Variants in RNF152 observed in about 807,000 individuals in gnomAD.
The protein encoded by RNF152 is E3 ubiquitin-protein ligase RNF152.
Under a neutral mutation model 12.7 loss-of-function variants are expected in RNF152, and 11 were observed. The ratio of observed to expected loss-of-function variants is 0.86; its 90% CI spans 0.54 to 1.43. The LOEUF (loss-of-function observed/expected upper bound fraction) is 1.43. Among genes scored for constraint, RNF152 ranks in the 40% most tolerant of loss-of-function variants. The pLI is 0.00. For synonymous variants in RNF152, 113 were observed against 120.3 expected, an observed-to-expected ratio of 0.94 and a Z score of 0.40; for missense variants, 255 against 274.8, an observed-to-expected ratio of 0.93 and a Z score of 0.51.
intron 1 of RNF152, among the ~76,000 whole-genome samples, chr18:61,835,621 TAAAC>T (rs2144658797): frequency 6.6e-6 from 1 of 152,278 alleles, no homozygotes; most frequent in East Asian, 1.9e-4. Flanking sequence ...TTAAAAAGGA[TAAAC>T]AAAATCAAAC....
chr18:61,844,067 CAGAA>C (rs1420745552), intron 1 of RNF152, among the ~76,000 whole-genome samples: 4 of 45,264 alleles, frequency 8.8e-5, no homozygotes, highest in Non-Finnish European at 1.7e-4. Context: ...GAGAGAAAGA[CAGAA>C]AGAAAGGAAA....
At chr18:61,837,926 C>A (rs1242100394) in intron 1 of RNF152, among the ~76,000 whole-genome samples, 1 of 152,170 alleles carries the variant, frequency 6.6e-6, no homozygotes, top group Non-Finnish European at 1.5e-5. Flanking sequence ...CCAACAAAAT[C>A]CAGGCCTCAT....
At chr18:61,878,443 T>C (rs755205854) in intron 1 of RNF152, among the ~76,000 whole-genome samples, 2 of 152,192 alleles carry the variant, frequency 1.3e-5, no homozygotes, top group African/African-American at 2.4e-5. Context: ...TCCACTAACA[T>C]ATACCCTAAG....
intron 1 of RNF152, among the ~76,000 whole-genome samples, chr18:61,880,716 TTAA>T (rs1182448676): frequency 1.3e-5 from 2 of 152,196 alleles, no homozygotes; most frequent in African/African-American, 2.4e-5. Flanking sequence ...TAAAACATTA[TTAA>T]TAATAACTTC....
chr18:61,866,020 G>A (rs571227744), intron 1 of RNF152, among the ~76,000 whole-genome samples: 1 of 152,156 alleles, frequency 6.6e-6, no homozygotes, highest in South Asian at 2.1e-4. Context: ...TTTCTCTCAG[G>A]TCTATTCCTC....
At chr18:61,836,258 GC>G (rs1380079492) in intron 1 of RNF152, among the ~76,000 whole-genome samples, 1 of 152,052 alleles carries the variant, frequency 6.6e-6, no homozygotes, top group African/African-American at 2.4e-5. Context: ...ATGTCAAAAG[GC>G]CCCAGGAGCC....
At chr18:61,873,801 C>T (rs1912100442) in intron 1 of RNF152, among the ~76,000 whole-genome samples, 1 of 152,224 alleles carries the variant, frequency 6.6e-6, no homozygotes. Context: ...CTTCTTTCCC[C>T]ACAACCCAAG....
chr18:61,869,007 A>G (rs1911863700), intron 1 of RNF152, among the ~76,000 whole-genome samples: 1 of 152,218 alleles, frequency 6.6e-6, no homozygotes, highest in Non-Finnish European at 1.5e-5. Flanking sequence ...AGCATTCACC[A>G]TTTGTAAGAA....
intron 1 of RNF152, among the ~76,000 whole-genome samples, chr18:61,841,171 A>G (rs1910439807): frequency 1.3e-5 from 2 of 152,240 alleles, no homozygotes; most frequent in African/African-American, 4.8e-5. Context: ...CATACATGAT[A>G]GAAGTTTAAT....
At chr18:61,819,694 A>G (rs1909285157) in intron 1 of RNF152, among the ~76,000 whole-genome samples, 2 of 152,254 alleles carry the variant, frequency 1.3e-5, no homozygotes, top group African/African-American at 4.8e-5. Context: ...GGTGCTGGGG[A>G]AGGTATTTAA....
At chr18:61,892,344 G>T (rs1053000170) in intron 1 of RNF152, among the ~76,000 whole-genome samples, 3 of 152,120 alleles carry the variant, frequency 2.0e-5, no homozygotes, top group African/African-American at 7.2e-5. Flanking sequence ...TATTTCATAC[G>T]AAGGTCACTG....
rs1391995288 is a variant in RNF152, at chr18:61,811,708, A to G, written c.*4144T>C. On this transcript the variant is annotated 3_prime_UTR_variant, in exon 2 of 2. Transcript: ENST00000312828. ...AATACAGCAATGAAGTTTGGATAGGATACTGGAAGTGAACAGGGATTTCAT... is the reference window on the plus strand; with the variant it reads ...AATACAGCAATGAAGTTTGGATAGGGTACTGGAAGTGAACAGGGATTTCAT... The G allele has an allele frequency of 1.3e-5, 2 of 152,228 alleles. No individual in the cohort carries two copies. The highest frequency in any genetic ancestry group is 4.8e-5 in the African/African-American group (2 of 41,448). 9.4% of individuals were successfully genotyped at this position (152,228 alleles called of 1,614,324 possible). A position where few individuals can be genotyped will look rare whatever the true frequency, so the allele number is the denominator to read the frequency against.
intron 1 of RNF152, among the ~76,000 whole-genome samples, chr18:61,883,823 C>T (rs1380803420): frequency 1.3e-5 from 2 of 152,194 alleles, no homozygotes; most frequent in Non-Finnish European, 2.9e-5. Context: ...TTCTCAGACT[C>T]CTCTCCTCCA....
In RNF152 at chr18:61,820,020, CAAAA is replaced by C. The variant is rs1165545204; in HGVS notation, c.-135-3426_-135-3423del. On this transcript the variant is annotated intron_variant, in intron 1 of 1. Coordinates refer to ENST00000312828, the MANE Select transcript of RNF152 (RefSeq NM_173557.3). ...TGAATGACAGAGTGGGACACTATCT[CAAAA>C]AAAAAAAAAAAAAAAAAGAATCCGG... 8.4e-4 allele frequency among the ~76,000 whole-genome samples: 54 copies of C among 64,358 alleles called. 1 individual carries two copies. Among genetic ancestry groups the C allele is most frequent in the African/African-American group, 3.3e-3 (51 of 15,614 alleles). 42.2% of individuals were successfully genotyped at this position (64,358 alleles called of 152,430 possible). A position where few individuals can be genotyped will look rare whatever the true frequency, so the allele number is the denominator to read the frequency against.
chr18:61,848,539 T>C (rs1305235689), intron 1 of RNF152, among the ~76,000 whole-genome samples: 3 of 152,206 alleles, frequency 2.0e-5, no homozygotes, highest in Non-Finnish European at 4.4e-5. Flanking sequence ...AGGCTGTACG[T>C]GGCCTCAGCC....
rs369082532 is a variant in RNF152, at chr18:61,822,084, T to C, written c.-135-5486A>G. On this transcript the variant is annotated intron_variant, in intron 1 of 1. Transcript: ENST00000312828. Reference sequence around the variant, plus strand: ...AAAGGGAAAGAGTACTTCAGTAGAATGCATAAGAACAAGTATATAAGAAAA... The same window carrying C: ...AAAGGGAAAGAGTACTTCAGTAGAACGCATAAGAACAAGTATATAAGAAAA... Among the ~76,000 whole-genome samples, 35 of 152,206 alleles carry C rather than the reference T, an allele frequency of 2.3e-4. 1 individual carries two copies. In the East Asian group the frequency reaches 3.3e-3, roughly 14 times the overall value.
chr18:61,869,644 A>G (rs1911894113), intron 1 of RNF152, among the ~76,000 whole-genome samples: 1 of 152,226 alleles, frequency 6.6e-6, no homozygotes, highest in African/African-American at 2.4e-5. Flanking sequence ...CCAGGAAGAC[A>G]CCACAGATCA....
At chr18:61,892,026 C>T (rs1050137099) in intron 1 of RNF152, among the ~76,000 whole-genome samples, 5 of 152,282 alleles carry the variant, frequency 3.3e-5, no homozygotes, top group South Asian at 2.1e-4. Context: ...CTGAAGGTTA[C>T]GTTTTTTCAT....
intron 1 of RNF152, among the ~76,000 whole-genome samples, chr18:61,879,724 G>T (rs925981753): frequency 1.3e-5 from 2 of 152,110 alleles, no homozygotes; most frequent in Non-Finnish European, 2.9e-5. Flanking sequence ...AGCACTTTGG[G>T]AGGCTGAGGC....
Sources: allele counts gnomAD v4.1 joint callset (sites outside exome capture counted in the v4.1 genomes callset), GRCh38; gene constraint gnomAD v4.1.1; transcripts MANE v1.5; gene names NCBI Gene and HGNC (gene_info 2026-07-23, HGNC 2026-07-21).